The following NALF1 variants were observed in gnomAD, a reference collection of about 807,000 sequenced individuals.
The protein encoded by NALF1 is NALCN channel auxiliary factor 1.
In NALF1, 3 loss-of-function variants were observed where a neutral mutation model predicts 48.4. The observed-to-expected ratio is 0.06, with a 90% CI of 0.03 to 0.16. The LOEUF (loss-of-function observed/expected upper bound fraction) is 0.16. Among genes scored for constraint, NALF1 ranks in the 10% least tolerant of loss-of-function variants. The probability of loss-of-function intolerance (pLI) is 1.00; values close to 1 mark genes in which losing one functional copy is unlikely to be tolerated. For missense variants in NALF1, 526 were observed against 571.5 expected (o/e 0.92, Z 0.81); for synonymous variants, 262 against 245.7 (o/e 1.07, Z -0.62).
At chr13:107,856,204 G>A (rs1300480647) in intron 1 of NALF1, among the ~76,000 whole-genome samples, 2 of 152,168 alleles carry the variant, frequency 1.3e-5, no homozygotes, top group African/African-American at 4.8e-5. Flanking sequence ...ACTGCACCTG[G>A]ACAAGAGAAA....
intron 1 of NALF1, among the ~76,000 whole-genome samples, chr13:107,451,173 G>T (rs1479388907): frequency 6.6e-6 from 1 of 152,138 alleles, no homozygotes; most frequent in East Asian, 1.9e-4. Context: ...GTGAGAATCT[G>T]CCAGCGCGGC....
chr13:107,636,158 G>A (rs1879971242), intron 1 of NALF1, among the ~76,000 whole-genome samples: 1 of 152,044 alleles, frequency 6.6e-6, no homozygotes, highest in African/African-American at 2.4e-5. Context: ...AAAGAAGCAT[G>A]AAGCAGGTGA....
intron 1 of NALF1, among the ~76,000 whole-genome samples, chr13:107,334,522 G>A (rs536960490): frequency 3.3e-5 from 5 of 152,244 alleles, no homozygotes; most frequent in South Asian, 2.1e-4. Context: ...ATGAGAGAGC[G>A]CCTTTAGGAG....
intron 1 of NALF1, among the ~76,000 whole-genome samples, chr13:107,837,328 T>C (rs903182237): frequency 2.0e-5 from 3 of 152,240 alleles, no homozygotes; most frequent in African/African-American, 7.2e-5. Flanking sequence ...TAGCAGTGCA[T>C]CTCAGATGTT....
At chr13:107,306,273 A>C (rs888289120) in intron 1 of NALF1, among the ~76,000 whole-genome samples, 3 of 152,186 alleles carry the variant, frequency 2.0e-5, no homozygotes, top group Non-Finnish European at 4.4e-5. Flanking sequence ...TCGCTGTTGG[A>C]CCGTGGTAAT....
intron 1 of NALF1, among the ~76,000 whole-genome samples, chr13:107,371,313 G>C (rs4772876): frequency 0.47 from 71,563 of 151,846 alleles, 18,045 homozygotes; most frequent in East Asian, 0.74. Flanking sequence ...CAGGCATGAT[G>C]GTGCATGCCT....
intron 1 of NALF1, among the ~76,000 whole-genome samples, chr13:107,562,251 A>G (rs566701514): frequency 1.3e-5 from 2 of 152,318 alleles, no homozygotes; most frequent in South Asian, 4.1e-4. Context: ...CTTCATTGTC[A>G]TTCTGTAACA....
chr13:107,847,763 T>TTA (rs1164219453), intron 1 of NALF1, among the ~76,000 whole-genome samples: 1 of 152,152 alleles, frequency 6.6e-6, no homozygotes, highest in Non-Finnish European at 1.5e-5. Flanking sequence ...GGCTGACACC[T>TTA]TGACTGTAGC....
At chr13:107,641,018 A>G (rs1387111177) in intron 1 of NALF1, among the ~76,000 whole-genome samples, 2 of 152,224 alleles carry the variant, frequency 1.3e-5, no homozygotes, top group Non-Finnish European at 2.9e-5. Context: ...ATGTCCATCA[A>G]TGGATAAATG....
intron 1 of NALF1, among the ~76,000 whole-genome samples, chr13:107,316,885 C>A (rs957850413): frequency 2.0e-5 from 3 of 152,054 alleles, no homozygotes; most frequent in Admixed American, 6.6e-5. Context: ...TTTACATATA[C>A]ACTGGTCAAA....
chr13:107,503,942 G>A (rs1189953312), intron 1 of NALF1, among the ~76,000 whole-genome samples: 1 of 147,692 alleles, frequency 6.8e-6, no homozygotes, highest in African/African-American at 2.5e-5. Flanking sequence ...TTTTTTTAAA[G>A]AGCTCAAACA....
rs151192079 is a variant in NALF1, at chr13:107,814,100, C to T, written c.915+51582G>A. 7.3e-3 allele frequency among the ~76,000 whole-genome samples: 1,113 copies of T among 152,190 alleles called. 15 individuals carry two copies. Among genetic ancestry groups the T allele is most frequent in the African/African-American group, 0.025 (1,028 of 41,516 alleles). ...AAACTCATACAGCAGACCACTGATT[C>T]CTATTTCAGGGGAATATCTTGTGGC... On this transcript the variant is annotated intron_variant, in intron 1 of 2. Coordinates refer to ENST00000375915, the MANE Select transcript of NALF1 (RefSeq NM_001080396.3).
At chr13:107,526,842 A>C (rs944246728) in intron 1 of NALF1, among the ~76,000 whole-genome samples, 17 of 152,294 alleles carry the variant, frequency 1.1e-4, no homozygotes, top group African/African-American at 2.9e-4. Flanking sequence ...TCTGCTGTTC[A>C]GTAAAGAAAT....
At chr13:107,671,051 G>A (rs907740342) in intron 1 of NALF1, among the ~76,000 whole-genome samples, 5 of 151,892 alleles carry the variant, frequency 3.3e-5, no homozygotes, top group Admixed American at 1.3e-4. Flanking sequence ...CTTATCAATC[G>A]AAAATGTTGT....
intron 1 of NALF1, among the ~76,000 whole-genome samples, chr13:107,211,633 T>C (rs1879763665): frequency 6.6e-6 from 1 of 152,212 alleles, no homozygotes; most frequent in Non-Finnish European, 1.5e-5. Context: ...CAATTTGCAG[T>C]ACAGGTTACT....
At chr13:107,293,274 T>C (rs9559002) in intron 1 of NALF1, among the ~76,000 whole-genome samples, 81,587 of 151,908 alleles carry the variant, frequency 0.54, 22,220 homozygotes, top group East Asian at 0.62. Flanking sequence ...GCCACCGCGC[T>C]CAGCCAACTC....
Position 107,477,395 on chromosome 13 carries a change from A to C in NALF1, c.916-266640T>G, listed in dbSNP as rs188027094. Among the ~76,000 whole-genome samples, 38 of 152,246 alleles carry C rather than the reference A, an allele frequency of 2.5e-4. No individual in the cohort carries two copies. In the East Asian group the frequency reaches 6.8e-3, roughly 27 times the overall value. ...TTGCTTCAAGACCCTCACCTCTAGG[A>C]GTCCACTAATCCTAAATCACAAAAT... On this transcript the variant is annotated intron_variant, in intron 1 of 2. Transcript: ENST00000375915.
intron 1 of NALF1, among the ~76,000 whole-genome samples, chr13:107,307,700 G>A (rs1462882577): frequency 6.8e-6 from 1 of 147,468 alleles, no homozygotes; most frequent in East Asian, 2.0e-4. Context: ...ACAGAAAATT[G>A]AACAAGGAAA....
intron 1 of NALF1, among the ~76,000 whole-genome samples, chr13:107,693,795 C>G (rs1178684653): frequency 6.6e-6 from 1 of 152,110 alleles, no homozygotes; most frequent in Non-Finnish European, 1.5e-5. Context: ...AGAAGACAGT[C>G]TCAGAAATGC....
Sources: gnomAD v4.1 joint callset for allele counts (sites outside exome capture counted in the v4.1 genomes callset) on GRCh38, gnomAD v4.1.1 for gene constraint, MANE v1.5 for transcripts, NCBI Gene and HGNC (gene_info 2026-07-23, HGNC 2026-07-21) for gene names.